QSOX2: variants seen among roughly 807,000 people sequenced by gnomAD.
The protein encoded by QSOX2 is quiescin sulfhydryl oxidase 2.
In QSOX2, 46 loss-of-function variants were observed where a neutral mutation model predicts 61.7. That is an observed-to-expected ratio of 0.75 (90% confidence interval 0.59 to 0.95). The LOEUF (loss-of-function observed/expected upper bound fraction) is 0.95. Among genes scored for constraint, QSOX2 ranks in the 40% least tolerant of loss-of-function variants. The pLI is 0.00. For synonymous variants in QSOX2, 383 were observed against 388.4 expected, an observed-to-expected ratio of 0.99 and a Z score of 0.16; for missense variants, 879 against 918.9, an observed-to-expected ratio of 0.96 and a Z score of 0.56.
chr9:136,215,605 C>T (rs185244908), intron 9 of QSOX2, among the ~76,000 whole-genome samples: 1 of 152,312 alleles, frequency 6.6e-6, no homozygotes, highest in Admixed American at 6.5e-5. Context: ...TCCACCTTTT[C>T]TTTTAAATTA....
At chr9:136,231,874 C>T (rs939571655) in intron 1 of QSOX2, among the ~76,000 whole-genome samples, 115 of 149,226 alleles carry the variant, frequency 7.7e-4, no homozygotes, top group Non-Finnish European at 1.4e-3. Flanking sequence ...GCCGGCAATC[C>T]GCCCCCTCCA....
rs1392380852 is a variant in QSOX2 at position 136,208,779 on chromosome 9, G to A, written c.2046C>T (p.Phe682=). 2 of 1,613,514 alleles carry A rather than the reference G, an allele frequency of 1.2e-6. No homozygotes were observed. The highest frequency in any genetic ancestry group is 1.7e-6 in the Non-Finnish European group (2 of 1,179,858). ...CCTTCCACCGCCTGGACCTCACCCG[G>A]AAGAAGAAGTACATCACCATGAGGA... is the stretch of plus-strand genomic sequence containing the variant. The part of the protein sequence containing the change: ...SLFLMVMYFF[F]RVRSRRWKVK... Residue 682 remains phenylalanine, a synonymous_variant, in exon 12 of 12, where the codon TTC becomes TTT. Coordinates refer to ENST00000358701, the MANE Select transcript of QSOX2 (RefSeq NM_181701.4).
intron 1 of QSOX2, among the ~76,000 whole-genome samples, chr9:136,240,787 C>T (rs1009851773): frequency 6.6e-6 from 1 of 152,196 alleles, no homozygotes; most frequent in African/African-American, 2.4e-5. Flanking sequence ...ACTCTTGATC[C>T]CCAGCATTTA....
chr9:136,225,624 A>G (rs2131059663), intron 2 of QSOX2, among the ~76,000 whole-genome samples: 1 of 152,324 alleles, frequency 6.6e-6, no homozygotes, highest in East Asian at 1.9e-4. Context: ...TCTGTTGTGC[A>G]CAGACCCGGT....
intron 1 of QSOX2, among the ~76,000 whole-genome samples, chr9:136,232,718 G>C (rs944067937): frequency 6.6e-6 from 1 of 151,922 alleles, no homozygotes; most frequent in Non-Finnish European, 1.5e-5. Flanking sequence ...TGGATCACTT[G>C]AGCCCAGGAG....
At chr9:136,226,920 C>T in intron 1 of QSOX2, 46 bp from the exon 2 acceptor site, 2 of 1,563,556 alleles carry the variant, frequency 1.3e-6, no homozygotes, top group Non-Finnish European at 1.8e-6. Context: ...CACTGGACTC[C>T]CGGGAAGCCC....
At position 136,208,907 on chromosome 9, in the gene QSOX2, CG is replaced by C; in HGVS notation, c.1917del (p.Ala641ProfsTer21). 1 of 1,613,922 alleles carries C rather than the reference CG, an allele frequency of 6.2e-7. No homozygotes were observed. Among genetic ancestry groups the C allele is most frequent in the South Asian group, 1.1e-5 (1 of 91,070 alleles). ...GCCCCGCCCACCTCCTTGTGGGCCC[CG>C]GGCCCATCCAGACTCTGGAGTTTCC... ...LDGKLQSLDG[P>X]GAHKEVGGAA... On this transcript the variant is annotated frameshift_variant, in exon 12 of 12. Coordinates refer to ENST00000358701, the MANE Select transcript of QSOX2 (RefSeq NM_181701.4). LOFTEE classifies it low-confidence loss of function (END_TRUNC).
chr9:136,223,943 C>T lies in QSOX2; in HGVS notation c.584+64G>A. On this transcript the variant is annotated intron_variant, in intron 4 of 11. Transcript: ENST00000358701. The surrounding 1 kb of genome is among the most constrained non-coding windows in gnomAD (Gnocchi z 4.4). Reference sequence around the variant, plus strand: ...AGTGGCCACATCACTTAATAGAAACCTATTACGTTTCTTGCACAGTTCAAC... The same window carrying T: ...AGTGGCCACATCACTTAATAGAAACTTATTACGTTTCTTGCACAGTTCAAC... 1 of 1,559,908 alleles carries T rather than the reference C, an allele frequency of 6.4e-7. No individual in the cohort carries two copies. The highest frequency in any genetic ancestry group is 1.1e-5 in the South Asian group (1 of 89,720).
chr9:136,241,959 A>G (rs1830436825), intron 1 of QSOX2, among the ~76,000 whole-genome samples: 1 of 152,200 alleles, frequency 6.6e-6, no homozygotes, highest in South Asian at 2.1e-4. Flanking sequence ...CTGCAGAGGC[A>G]TTTCGGAGAT....
At chr9:136,226,152 A>G (rs942347832) in intron 2 of QSOX2, among the ~76,000 whole-genome samples, 10 of 152,216 alleles carry the variant, frequency 6.6e-5, no homozygotes, top group African/African-American at 2.4e-4. Context: ...TCAAATTGAC[A>G]AAGCTTCCCA....
At chr9:136,229,972 G>A (rs1358407794) in intron 1 of QSOX2, among the ~76,000 whole-genome samples, 3 of 152,232 alleles carry the variant, frequency 2.0e-5, no homozygotes, top group Non-Finnish European at 1.5e-5. Flanking sequence ...AGGCCAGGTG[G>A]TGCTGCTCTT....
intron 10 of QSOX2, among the ~76,000 whole-genome samples, chr9:136,212,923 A>G (rs1831864194): frequency 6.6e-6 from 1 of 152,212 alleles, no homozygotes; most frequent in Non-Finnish European, 1.5e-5. Flanking sequence ...GCTGCTTCCA[A>G]TATGCTGATG....
At position 136,222,482 on chromosome 9, in the gene QSOX2, C is replaced by A. The variant is rs888809115; in HGVS notation, c.676-541G>T. Among the ~76,000 whole-genome samples the A allele has an allele frequency of 6.6e-6, 1 of 152,206 alleles. No homozygotes were observed. Among genetic ancestry groups the A allele is most frequent in the Non-Finnish European group, 1.5e-5 (1 of 68,048 alleles). On this transcript the variant is annotated intron_variant, in intron 5 of 11. Transcript: ENST00000358701. This position sits in a 1 kb window ranked among gnomAD's most constrained non-coding sequence, Gnocchi z 6.9. ...AACCCTGCGTGCGCCACCACCACAT[C>A]GGGCGTACGTCTTTCCTTCTCTTAA...
At chr9:136,232,479 G>C (rs1249436019) in intron 1 of QSOX2, among the ~76,000 whole-genome samples, 2 of 152,220 alleles carry the variant, frequency 1.3e-5, no homozygotes, top group Non-Finnish European at 2.9e-5. Context: ...GGCATGTCAT[G>C]AATGCAGAGA....
At chr9:136,239,421 C>A (rs1306386150) in intron 1 of QSOX2, among the ~76,000 whole-genome samples, 1 of 152,202 alleles carries the variant, frequency 6.6e-6, no homozygotes, top group Non-Finnish European at 1.5e-5. Flanking sequence ...CAGGCGGGAG[C>A]CACTGCCCCG....
Position 136,245,460 on chromosome 9 carries a change from C to T in QSOX2, c.328+16G>A, listed in dbSNP as rs1588643803. The stretch of plus-strand genomic sequence containing the variant: ...TCCCGGGGGTCGGGGGGTCCCCGCG[C>T]GGGGGCGCGCCTCACCTCGCACATC... On this transcript the variant is annotated intron_variant, in intron 1 of 11. Coordinates refer to ENST00000358701, the MANE Select transcript of QSOX2 (RefSeq NM_181701.4). The T allele has an allele frequency of 1.3e-6, 2 of 1,577,456 alleles. No individual in the cohort carries two copies. The highest frequency in any genetic ancestry group is 4.6e-5 in the East Asian group (2 of 43,036).
chr9:136,234,018 C>T (rs1346659467), intron 1 of QSOX2, among the ~76,000 whole-genome samples: 2 of 152,210 alleles, frequency 1.3e-5, no homozygotes, highest in African/African-American at 4.8e-5. Flanking sequence ...CCTCCTCTGC[C>T]GCTGCAACCT....
chr9:136,236,252 A>T (rs1830380406), intron 1 of QSOX2, among the ~76,000 whole-genome samples: 1 of 152,344 alleles, frequency 6.6e-6, no homozygotes, highest in South Asian at 2.1e-4. Flanking sequence ...CGGAGACAGG[A>T]CTGGCTGCTG....
intron 1 of QSOX2, among the ~76,000 whole-genome samples, chr9:136,242,812 G>A (rs1217814355): frequency 6.6e-6 from 1 of 152,230 alleles, no homozygotes; most frequent in African/African-American, 2.4e-5. Context: ...AGTGCCAAGG[G>A]CCTTTCATCC....
Sources: gnomAD v4.1 joint callset for allele counts (sites outside exome capture counted in the v4.1 genomes callset) on GRCh38, gnomAD v4.1.1 for gene constraint, Gnocchi (gnomAD v3.1) non-coding constraint, MANE v1.5 for transcripts, NCBI Gene and HGNC (gene_info 2026-07-23, HGNC 2026-07-21) for gene names.